The following UMODL1 variants were observed in gnomAD, a reference collection of about 807,000 sequenced individuals.
UMODL1 encodes uromodulin-like 1.
In UMODL1, 128 loss-of-function variants were observed where a neutral mutation model predicts 136.3. The observed-to-expected ratio is 0.94, with a 90% CI of 0.81 to 1.09. UMODL1 has a LOEUF of 1.09. UMODL1 is among the 50% of genes least tolerant of loss of function. The probability of loss-of-function intolerance (pLI) is 0.00; values close to 1 mark genes in which losing one functional copy is unlikely to be tolerated. For missense variants in UMODL1, 1,766 were observed against 1,725.6 expected, an observed-to-expected ratio of 1.02 and a Z score of -0.41; for synonymous variants, 721 against 720.0, an observed-to-expected ratio of 1.00 and a Z score of -0.02.
rs199743825 is a variant in UMODL1 at position 42,127,725 on chromosome 21, A to C, written c.3584A>C (p.Lys1195Thr). The C allele has an allele frequency of 6.2e-7, 1 of 1,614,166 alleles. No individual in the cohort carries two copies. The highest frequency in any genetic ancestry group is 8.5e-7 in the Non-Finnish European group (1 of 1,180,026). ...GTGATTGAGAACGGCAACTCCAATA[A>C]GGCCCAGTTCAAGCTGAGGATCTTT... The part of the protein sequence containing the change: ...TNVIENGNSN[K>T]AQFKLRIFSF... The change falls in exon 20 of 23, where the codon AAG becomes ACG. Residue 1195 changes from lysine to threonine, a missense_variant. By Grantham distance (78) the Lys-to-Thr change is moderately conservative (BLOSUM62 -1). Coordinates refer to ENST00000408910, the MANE Select transcript of UMODL1 (RefSeq NM_001004416.3).
intron 15 of UMODL1, 180 bp from the exon 16 acceptor site, chr21:42,120,907 T>C: frequency 2.9e-6 from 2 of 691,938 alleles, no homozygotes; most frequent in South Asian, 4.4e-5. Context: ...TACTTAGCCA[T>C]TCCCAGCCCC....
In UMODL1 at chr21:42,111,339, G is replaced by GGAGCCCCAGCCAGGA. The variant is rs759024552; in HGVS notation, c.1900-152_1900-138dup. On this transcript the variant is annotated intron_variant, in intron 11 of 22. Coordinates refer to ENST00000408910, the MANE Select transcript of UMODL1 (RefSeq NM_001004416.3). ...TCCAGCCAGGGGAGCCCCAGCCAGG[G>GGAGCCCCAGCCAGGA]GAGCCCCAGCCAGGAGAGCCCCAGC... The GGAGCCCCAGCCAGGA allele has an allele frequency of 1.8e-5, 29 of 1,605,094 alleles. No homozygotes were observed. In the South Asian group the frequency reaches 2.7e-4, roughly 15 times the overall value.
At position 42,099,249 on chromosome 21, in the gene UMODL1, A is replaced by T; in HGVS notation, c.1186+69A>T. On this transcript the variant is annotated intron_variant, in intron 7 of 22. Transcript: ENST00000408910. The surrounding 1 kb of genome is among the most constrained non-coding windows in gnomAD (Gnocchi z 4.1). The stretch of plus-strand genomic sequence containing the variant: ...CTTTCTATCCCAGGTCTGTGGCCCT[A>T]GCATGTCGCGTTCTTCTTCCTATAA... 1 of 1,564,948 alleles carries T rather than the reference A, an allele frequency of 6.4e-7. No individual in the cohort carries two copies. Among genetic ancestry groups the T allele is most frequent in the Non-Finnish European group, 8.7e-7 (1 of 1,155,366 alleles).
intron 22 of UMODL1, among the ~76,000 whole-genome samples, chr21:42,138,864 C>T (rs1046354477): frequency 7.9e-5 from 12 of 152,154 alleles, no homozygotes; most frequent in African/African-American, 2.4e-4. Flanking sequence ...CGTGAGCCAC[C>T]GTGCCCGGCC....
intron 14 of UMODL1, among the ~76,000 whole-genome samples, chr21:42,118,192 G>A (rs1345438222): frequency 1.3e-5 from 2 of 152,224 alleles, no homozygotes; most frequent in Non-Finnish European, 2.9e-5. Flanking sequence ...ATTCCTCTGA[G>A]AGAAAGAGAG....
rs767740988 is a variant in UMODL1 at position 42,076,102 on chromosome 21, T to G, written c.174T>G (p.Tyr58Ter). Residue 58 changes from tyrosine (Y) to a stop codon, truncating the protein, a stop_gained, in exon 2 of 23, where the codon TAT becomes TAG. Coordinates refer to ENST00000408910, the MANE Select transcript of UMODL1 (RefSeq NM_001004416.3). LOFTEE classifies it high-confidence loss of function. ...VEAVQTSYTS[Y>*]VSCGGWIPWR... The stretch of plus-strand genomic sequence containing the variant: ...CCGTGCAGACGTCCTACACGTCCTA[T>G]GTGTCCTGCGGCGGCTGGATCCCCT... 5.0e-6 allele frequency: 8 copies of G among 1,614,240 alleles called. No homozygotes were observed. The South Asian group carries it at 8.8e-5, about 18-fold the overall frequency.
intron 1 of UMODL1, 49 bp downstream of exon 1, chr21:42,071,441 C>G (rs1249692621): frequency 1.3e-6 from 2 of 1,495,958 alleles, no homozygotes; most frequent in African/African-American, 2.8e-5. Context: ...CAGGGGCTTC[C>G]TGGCATGGGT....
Position 42,078,747 on chromosome 21 carries a change from A to G in UMODL1, c.319+2500A>G, listed in dbSNP as rs113589041. On this transcript the variant is annotated intron_variant, in intron 2 of 22. Coordinates refer to ENST00000408910, the MANE Select transcript of UMODL1 (RefSeq NM_001004416.3). ...CCTCCATCACCAACAGAAACCAGGC[A>G]GGGCCAGCTGACCCCAGAGCAATGG... is the stretch of plus-strand genomic sequence containing the variant. 2.1e-3 allele frequency among the ~76,000 whole-genome samples: 278 copies of G among 129,964 alleles called. 5 individuals carry two copies. Among genetic ancestry groups the G allele is most frequent in the Middle Eastern group, 8.9e-3 (2 of 224 alleles). The allele number at this position is 129,964 out of a possible 152,430, so 85.3% of individuals were successfully genotyped here.
upstream of UMODL1, among the ~76,000 whole-genome samples, chr21:42,066,606 T>G (rs1177854379): frequency 6.6e-6 from 1 of 152,210 alleles, no homozygotes. Context: ...TAGTTGATCT[T>G]GCTCCAAGCT....
intron 1 of UMODL1, among the ~76,000 whole-genome samples, chr21:42,064,657 G>A (rs1397005413): frequency 1.3e-5 from 2 of 152,118 alleles, no homozygotes; most frequent in East Asian, 3.9e-4. Flanking sequence ...CCAGGTTCAA[G>A]CGATTCCCCT....
chr21:42,107,380 T>A (rs2066736291), intron 9 of UMODL1, among the ~76,000 whole-genome samples: 1 of 152,078 alleles, frequency 6.6e-6, no homozygotes, highest in South Asian at 2.1e-4. Context: ...GGAGCTGAGC[T>A]CCCCAAAGCT....
At chr21:42,095,631 G>T (rs1395417279) in intron 6 of UMODL1, among the ~76,000 whole-genome samples, 2 of 152,176 alleles carry the variant, frequency 1.3e-5, no homozygotes, top group East Asian at 3.9e-4. Context: ...ACAGTCGTAG[G>T]TTGCAGGGAT....
chr21:42,106,647 G>T (rs578195982), intron 9 of UMODL1, among the ~76,000 whole-genome samples: 4 of 152,218 alleles, frequency 2.6e-5, no homozygotes, highest in Non-Finnish European at 5.9e-5. Context: ...CGTACCATGT[G>T]CTGGGAGGCC....
At chr21:42,129,876 A>T in intron 21 of UMODL1, 79 bp downstream of exon 21, 1 of 1,130,302 alleles carries the variant, frequency 8.8e-7, no homozygotes, top group Non-Finnish European at 1.3e-6. Context: ...ATAAAAAAGT[A>T]ACTGTTGTGA....
Position 42,103,855 on chromosome 21 carries a change from T to C in UMODL1, c.1300-13T>C, listed in dbSNP as rs370973244. On this transcript the variant is annotated splice_polypyrimidine_tract_variant and intron_variant, in intron 8 of 22. Coordinates refer to ENST00000408910, the MANE Select transcript of UMODL1 (RefSeq NM_001004416.3). ...ACGTTGATGGATGTCTGCTGTTGCC[T>C]CTTCTTGGCTAGGTCGAGAGCTCCT... 2.4e-5 allele frequency: 38 copies of C among 1,614,032 alleles called. No homozygotes were observed. Among genetic ancestry groups the C allele is most frequent in the Non-Finnish European group, 3.1e-5 (37 of 1,180,014 alleles).
rs778750479 is a variant in UMODL1, at chr21:42,123,092, A to G, written c.3089A>G (p.Asn1030Ser). 12 of 1,614,026 alleles carry G rather than the reference A, an allele frequency of 7.4e-6. 1 individual carries two copies. The highest frequency in any genetic ancestry group is 3.3e-4 in the Middle Eastern group (2 of 6,084). ...CCCTCCTGCAACGTGAGCCACAGCAATGGCACACACGTGCTCCTGGAGGCC... is the reference window on the plus strand; with the variant it reads ...CCCTCCTGCAACGTGAGCCACAGCAGTGGCACACACGTGCTCCTGGAGGCC... Reference protein sequence around the residue: ...SHPSCNVSHSNGTHVLLEAGW... With the variant: ...SHPSCNVSHSSGTHVLLEAGW... The change falls in exon 17 of 23, where the codon AAT (asparagine) becomes AGT (serine). Residue 1030 changes from asparagine to serine, a missense_variant. Asn to Ser is a conservative substitution (Grantham distance 46). Transcript: ENST00000408910. This position sits in a 1 kb window ranked among gnomAD's most constrained non-coding sequence, Gnocchi z 4.4.
intron 6 of UMODL1, 99 bp downstream of exon 6, chr21:42,090,537 G>C (rs1382989139): frequency 1.4e-6 from 2 of 1,423,602 alleles, no homozygotes; most frequent in African/African-American, 2.9e-5. Flanking sequence ...CATTCACCCC[G>C]AGATAACTCT....
At chr21:42,093,916 C>G (rs1353222046) in intron 6 of UMODL1, 1 of 456,774 alleles carries the variant, frequency 2.2e-6, no homozygotes, top group Non-Finnish European at 4.4e-6. Flanking sequence ...ACGTCCACAT[C>G]CCACGGCACC....
At chr21:42,094,596 G>A (rs2066531481) in intron 6 of UMODL1, among the ~76,000 whole-genome samples, 2 of 152,154 alleles carry the variant, frequency 1.3e-5, no homozygotes, top group Non-Finnish European at 2.9e-5. Flanking sequence ...CCCATTTAAG[G>A]GTAACCAAAG....
Sources: allele counts gnomAD v4.1 joint callset (sites outside exome capture counted in the v4.1 genomes callset), GRCh38; gene constraint gnomAD v4.1.1; non-coding constraint Gnocchi (gnomAD v3.1); transcripts MANE v1.5; gene names NCBI Gene and HGNC (gene_info 2026-07-23, HGNC 2026-07-21).